Variants in CHD2 observed in about 807,000 individuals in gnomAD.
CHD2 encodes ATP-dependent chromatin remodeler CHD2.
A neutral mutation model predicts 243.9 loss-of-function variants in CHD2; 28 were observed. The observed-to-expected ratio is 0.11, with a 90% confidence interval of 0.09 to 0.16. The LOEUF is 0.16. CHD2 is among the 10% of genes least tolerant of loss of function. The pLI, the probability that CHD2 is intolerant of heterozygous loss-of-function variation, is 1.00. For missense variants in CHD2, 1,386 were observed against 2,209.8 expected, an observed-to-expected ratio of 0.63 and a Z score of 7.47; for synonymous variants, 775 against 779.0, an observed-to-expected ratio of 0.99 and a Z score of 0.09.
chr15:92,997,142 ATAGATTTGAAGT>A lies in CHD2; in HGVS notation c.3734+52_3734+63del. 1 of 1,603,982 alleles carries A rather than the reference ATAGATTTGAAGT, an allele frequency of 6.2e-7. No individual in the cohort carries two copies. Among genetic ancestry groups the A allele is most frequent in the East Asian group, 2.2e-5 (1 of 44,828 alleles). On this transcript the variant is annotated intron_variant, in intron 29 of 38. Transcript: ENST00000394196. This position sits in a 1 kb window ranked among gnomAD's most constrained non-coding sequence, Gnocchi z 4.1. The stretch of plus-strand genomic sequence containing the variant: ...GCTTAGATGGTCGTACCGTAAGAAA[ATAGATTTGAAGT>A]TAGACTTTGTGTAGTTCCATAGTAT...
rs566712858 is a variant in CHD2, at chr15:92,904,563, A to G, written c.62+3264A>G. On this transcript the variant is annotated intron_variant, in intron 2 of 38. Coordinates refer to ENST00000394196, the MANE Select transcript of CHD2 (RefSeq NM_001271.4). ...TTTCCTGGACGCGTTTGCTCCTGGC[A>G]GTCTTGTCCGCCCTTGCCTGTAGCG... 216 of 1,013,614 alleles carry G rather than the reference A, an allele frequency of 2.1e-4. 5 individuals are homozygous for G. The South Asian group carries it at 7.8e-3, about 37-fold the overall frequency. 62.8% of individuals were successfully genotyped at this position (1,013,614 alleles called of 1,614,324 possible).
At chr15:92,900,965 GT>G (rs2052520657) in intron 1 of CHD2, 141 bp downstream of exon 1, 1 of 461,120 alleles carries the variant, frequency 2.2e-6, no homozygotes, top group African/African-American at 2.1e-5. Flanking sequence ...CTTTGAGAAA[GT>G]TTCCTTATTG....
At chr15:92,942,601 A>G (rs1354662532) in intron 8 of CHD2, among the ~76,000 whole-genome samples, 1 of 151,752 alleles carries the variant, frequency 6.6e-6, no homozygotes, top group Non-Finnish European at 1.5e-5. Context: ...GTTTTTGAAT[A>G]AGGGATTTCT....
rs555327571 is a variant in CHD2, at chr15:92,994,505, T to G, written c.3595+1507T>G. Among the ~76,000 whole-genome samples, 12 of 152,216 alleles carry G rather than the reference T, an allele frequency of 7.9e-5. No individual in the cohort carries two copies. In the South Asian group the frequency reaches 2.5e-3, roughly 32 times the overall value. On this transcript the variant is annotated intron_variant, in intron 28 of 38. Transcript: ENST00000394196. ...CTTATTTTAAGATAATGTTCTTTTT[T>G]GTAAAAGACAAATAACTTGTATGGT...
At chr15:92,949,618 G>A (rs569130351) in intron 13 of CHD2, among the ~76,000 whole-genome samples, 1 of 151,998 alleles carries the variant, frequency 6.6e-6, no homozygotes, top group African/African-American at 2.4e-5. Context: ...GTTAATCTTG[G>A]GGGGGTGAAA....
Position 92,980,901 on chromosome 15 carries a change from C to CGTT in CHD2, c.2963_2964insGTT (p.Ser988_Glu989insLeu). On this transcript the variant is annotated inframe_insertion, in exon 23 of 39. Transcript: ENST00000394196. The stretch of plus-strand genomic sequence containing the variant: ...TTCAAAGAACTGGAAGGGGAGGAAT[C>CGTT]AGAACCTCAGGTAATTAACAATGAG... 6.2e-7 allele frequency: 1 copy of CGTT among 1,611,884 alleles called. No homozygotes were observed. The highest frequency in any genetic ancestry group is 8.5e-7 in the Non-Finnish European group (1 of 1,178,174).
intron 16 of CHD2, among the ~76,000 whole-genome samples, chr15:92,966,283 C>T (rs184526532): frequency 1.3e-5 from 2 of 151,784 alleles, no homozygotes; most frequent in African/African-American, 4.8e-5. Context: ...AGGCTGGTCT[C>T]GAACTCCTGA....
At chr15:93,017,175 A>G (rs955085161) in intron 37 of CHD2, among the ~76,000 whole-genome samples, 1 of 152,206 alleles carries the variant, frequency 6.6e-6, no homozygotes, top group Non-Finnish European at 1.5e-5. Flanking sequence ...GGAAAGACCC[A>G]GATCCTTAGC....
Position 92,971,786 on chromosome 15 carries a change from C to T in CHD2, c.2211C>T (p.Tyr737=). 4.3e-6 allele frequency: 7 copies of T among 1,612,064 alleles called. No homozygotes were observed. Among genetic ancestry groups the T allele is most frequent in the African/African-American group, 1.3e-5 (1 of 74,856 alleles). The change falls in exon 18 of 39, where the codon TAC becomes TAT. Residue 737 remains tyrosine (Y), a synonymous_variant. Coordinates refer to ENST00000394196, the MANE Select transcript of CHD2 (RefSeq NM_001271.4). The stretch of plus-strand genomic sequence containing the variant: ...GCAGGTGGATTCTGACCAGGAATTA[C>T]AAGGCTCTTGCCAAAGGAACAAGAG... ...QYYKWILTRN[Y]KALAKGTRGS...
intron 24 of CHD2, among the ~76,000 whole-genome samples, chr15:92,981,940 CAA>C (rs1222532779): frequency 6.6e-6 from 1 of 152,122 alleles, no homozygotes; most frequent in Non-Finnish European, 1.5e-5. Flanking sequence ...GGACTAAACA[CAA>C]AAGTTGGGCA....
At chr15:93,014,638 T>C in intron 36 of CHD2, 58 bp from the exon 37 acceptor site, 1 of 1,498,818 alleles carries the variant, frequency 6.7e-7, no homozygotes, top group Admixed American at 1.8e-5. Context: ...GCCTTTATTC[T>C]TCTCTGGGGA....
intron 3 of CHD2, among the ~76,000 whole-genome samples, chr15:92,926,029 T>G (rs1387017504): frequency 6.6e-6 from 1 of 152,190 alleles, no homozygotes; most frequent in Non-Finnish European, 1.5e-5. Context: ...TGGAGTGCAG[T>G]GGTGCAATCA....
At chr15:92,915,462 G>GA (rs971285092) in intron 2 of CHD2, among the ~76,000 whole-genome samples, 1 of 152,030 alleles carries the variant, frequency 6.6e-6, no homozygotes, top group African/African-American at 2.4e-5. Context: ...TTTTAGTAGA[G>GA]ACAGTGTTTC....
Position 92,901,209 on chromosome 15 carries a change from C to T in CHD2, c.-29C>T. 1.4e-6 allele frequency: 2 copies of T among 1,400,192 alleles called. No homozygotes were observed. The highest frequency in any genetic ancestry group is 2.0e-6 in the Non-Finnish European group (2 of 990,166). 86.7% of individuals were successfully genotyped at this position (1,400,192 alleles called of 1,614,324 possible). On this transcript the variant is annotated 5_prime_UTR_variant, in exon 2 of 39. Coordinates refer to ENST00000394196, the MANE Select transcript of CHD2 (RefSeq NM_001271.4). ...GACTTCAAAGCAAACACAGATTCCC[C>T]CTCCCCCTTAATATTTAAGAATTAA...
intron 2 of CHD2, 77 bp from the exon 3 acceptor site, chr15:92,924,244 C>T: frequency 2.3e-6 from 3 of 1,295,300 alleles, no homozygotes; most frequent in African/African-American, 1.5e-5. Context: ...AAATGTTTTA[C>T]CATGAGAATT....
chr15:93,016,744 T>C (rs376902957), intron 37 of CHD2, among the ~76,000 whole-genome samples: 6 of 130,650 alleles, frequency 4.6e-5, no homozygotes, highest in African/African-American at 1.4e-4. Flanking sequence ...ATTGCACCAC[T>C]GCGCTCCAGT....
In CHD2 at chr15:92,957,189, T is replaced by C. The variant is rs2053626923; in HGVS notation, c.2000+540T>C. Among the ~76,000 whole-genome samples the C allele has an allele frequency of 2.0e-5, 3 of 152,250 alleles. No homozygotes were observed. In the South Asian group the frequency reaches 6.2e-4, roughly 32 times the overall value. On this transcript the variant is annotated intron_variant, in intron 16 of 38. Coordinates refer to ENST00000394196, the MANE Select transcript of CHD2 (RefSeq NM_001271.4). ...ATCTATATTCATTAATTTGGAGGAC[T>C]CCACTCAGTCTGGCCCCTTGACAAT...
intron 2 of CHD2, among the ~76,000 whole-genome samples, chr15:92,916,115 T>G (rs1196540192): frequency 2.0e-5 from 3 of 152,222 alleles, no homozygotes; most frequent in Admixed American, 6.5e-5. Flanking sequence ...GGAAGCCCCC[T>G]CCCCTGCTTC....
chr15:92,997,206 A>G lies in CHD2; in HGVS notation c.3735-47A>G, dbSNP rs2054199623. ...TTTACTGTCTCTTCTTTAACATACC[A>G]AAAAGGCCCCTCTTCTAATGTCTTC... On this transcript the variant is annotated intron_variant, in intron 29 of 38. Coordinates refer to ENST00000394196, the MANE Select transcript of CHD2 (RefSeq NM_001271.4). This position sits in a 1 kb window ranked among gnomAD's most constrained non-coding sequence, Gnocchi z 4.1. The G allele has an allele frequency of 1.9e-6, 3 of 1,610,014 alleles. No individual in the cohort carries two copies. The highest frequency in any genetic ancestry group is 2.5e-6 in the Non-Finnish European group (3 of 1,178,588).
Sources: gnomAD v4.1 joint callset for allele counts (sites outside exome capture counted in the v4.1 genomes callset) on GRCh38, gnomAD v4.1.1 for gene constraint, Gnocchi (gnomAD v3.1) non-coding constraint, MANE v1.5 for transcripts, NCBI Gene and HGNC (gene_info 2026-07-23, HGNC 2026-07-21) for gene names.